ARMC12: variants seen among roughly 807,000 people sequenced by gnomAD.
ARMC12 encodes the protein armadillo repeat containing 12.
A neutral mutation model predicts 37.4 loss-of-function variants in ARMC12; 25 were observed. The ratio of observed to expected loss-of-function variants is 0.67; its 90% CI spans 0.49 to 0.93. ARMC12 has a LOEUF of 0.93. ARMC12 is among the 40% of genes least tolerant of loss of function. The pLI is 0.00. For missense variants in ARMC12, 384 were observed against 426.6 expected (o/e 0.90, Z 0.88); for synonymous variants, 167 against 176.1 (o/e 0.95, Z 0.41).
At chr6:35,737,303 G>A (rs1766997277) in intron 1 of ARMC12, 32 bp downstream of exon 1, 1 of 1,614,238 alleles carries the variant, frequency 6.2e-7, no homozygotes, top group African/African-American at 1.3e-5. Context: ...AGAGGGCTCT[G>A]CCCCAGGAGG....
intron 1 of ARMC12, 158 bp from the exon 2 acceptor site, chr6:35,737,869 A>G (rs1256646323): frequency 2.1e-6 from 2 of 930,702 alleles, no homozygotes; most frequent in Admixed American, 2.0e-5. Flanking sequence ...TGCAGTAAAC[A>G]TTCGTTCAAC....
chr6:35,746,279 G>T (rs943402319), intron 3 of ARMC12, among the ~76,000 whole-genome samples: 17 of 152,016 alleles, frequency 1.1e-4, no homozygotes, highest in African/African-American at 3.9e-4. Context: ...CTAAGCAGAG[G>T]GCACAGCCTA....
At chr6:35,743,293 C>T (rs1270212798) in intron 3 of ARMC12, among the ~76,000 whole-genome samples, 3 of 151,770 alleles carry the variant, frequency 2.0e-5, no homozygotes, top group Non-Finnish European at 2.9e-5. Flanking sequence ...CTCAGCTCAC[C>T]GCAACCTCCG....
upstream of ARMC12, chr6:35,733,831 A>G (rs967868540): frequency 6.6e-6 from 1 of 152,278 alleles, no homozygotes; most frequent in Admixed American, 6.5e-5. Context: ...CCTAGAACCC[A>G]TACTTACTTA....
upstream of ARMC12, among the ~76,000 whole-genome samples, chr6:35,732,185 T>A (rs1766850246): frequency 6.6e-6 from 1 of 152,106 alleles, no homozygotes; most frequent in Admixed American, 6.5e-5. Context: ...CGCCTTAGGC[T>A]GAGCTACCCG....
At chr6:35,739,579 A>AT (rs1172664972) in intron 3 of ARMC12, among the ~76,000 whole-genome samples, 11 of 152,210 alleles carry the variant, frequency 7.2e-5, no homozygotes, top group African/African-American at 2.7e-4. Context: ...GTTTAATCCT[A>AT]AATGGGTCCC....
chr6:35,741,782 A>G (rs987273150), intron 3 of ARMC12, among the ~76,000 whole-genome samples: 2 of 152,204 alleles, frequency 1.3e-5, no homozygotes, highest in African/African-American at 4.8e-5. Context: ...TGTATCCTCA[A>G]AATATGCACA....
chr6:35,748,632 G>A lies in ARMC12; in HGVS notation c.785G>A (p.Arg262Gln), dbSNP rs780272544. Reference sequence around the variant, plus strand: ...TTTGCTGAGCGGCTGAGTGAGGGCCGGAACGCACCCCACTACCACGTGGTG... The same window carrying A: ...TTTGCTGAGCGGCTGAGTGAGGGCCAGAACGCACCCCACTACCACGTGGTG... ...LVFAERLSEG[R>Q]NAPHYHVVKW... is the part of the protein sequence containing the mutation. The change falls in exon 6 of 6, where the codon CGG (arginine) becomes CAG (glutamine). Residue 262 changes from arginine (R) to glutamine (Q), a missense_variant. Physicochemically the swap from Arg to Gln is conservative, Grantham distance 43. Coordinates refer to ENST00000373866, the MANE Select transcript of ARMC12 (RefSeq NM_001286574.2). 42 of 1,611,866 alleles carry A rather than the reference G, an allele frequency of 2.6e-5. No individual in the cohort carries two copies. Among genetic ancestry groups the A allele is most frequent in the Non-Finnish European group, 3.1e-5 (36 of 1,178,714 alleles).
chr6:35,747,334 T>G lies in ARMC12; in HGVS notation c.518T>G (p.Leu173Arg). Residue 173 changes from leucine to arginine, a missense_variant, in exon 4 of 6, where the codon CTC becomes CGC. Transcript: ENST00000373866. Reference protein sequence around the residue: ...DTELHIAGLRLLNNLPLPDYV... With the variant: ...DTELHIAGLRRLNNLPLPDYV... The stretch of plus-strand genomic sequence containing the variant: ...GAACTGCACATTGCGGGCCTCAGAC[T>G]CCTCAACAACCTTCCACTGCCCGAC... The G allele has an allele frequency of 6.2e-7, 1 of 1,614,030 alleles. No individual in the cohort carries two copies. Among genetic ancestry groups the G allele is most frequent in the Non-Finnish European group, 8.5e-7 (1 of 1,180,030 alleles).
chr6:35,738,501 T>C lies in ARMC12; in HGVS notation c.427T>C (p.Phe143Leu). Reference sequence around the variant, plus strand: ...TAAAGCTTTCTCTGGCATCAGAAAATTCAGGCTCAAAATCCAGGTGAGCCC... The same window carrying C: ...TAAAGCTTTCTCTGGCATCAGAAAACTCAGGCTCAAAATCCAGGTGAGCCC... ...TLKAFSGIRKFRLKIQEHSIK... is the reference protein window; with the variant it reads ...TLKAFSGIRKLRLKIQEHSIK... Residue 143 changes from phenylalanine (F) to leucine (L), a missense_variant, in exon 3 of 6, where the codon TTC becomes CTC. Coordinates refer to ENST00000373866, the MANE Select transcript of ARMC12 (RefSeq NM_001286574.2). 1 of 1,613,916 alleles carries C rather than the reference T, an allele frequency of 6.2e-7. No homozygotes were observed. Among genetic ancestry groups the C allele is most frequent in the Non-Finnish European group, 8.5e-7 (1 of 1,179,986 alleles).
At position 35,748,948 on chromosome 6, in the gene ARMC12, C is replaced by T; in HGVS notation, c.*78C>T. Reference sequence around the variant, plus strand: ...AGCTCGAATGTCTGTTGGTGGCCTTCCAGGGCTGGGTGGAGATTTCATTCA... The same window carrying T: ...AGCTCGAATGTCTGTTGGTGGCCTTTCAGGGCTGGGTGGAGATTTCATTCA... On this transcript the variant is annotated 3_prime_UTR_variant, in exon 6 of 6. Transcript: ENST00000373866. 7.1e-7 allele frequency: 1 copy of T among 1,416,290 alleles called. No individual in the cohort carries two copies. Among genetic ancestry groups the T allele is most frequent in the Non-Finnish European group, 9.5e-7 (1 of 1,051,592 alleles). 87.7% of individuals were successfully genotyped at this position (1,416,290 alleles called of 1,614,324 possible).
intron 3 of ARMC12, among the ~76,000 whole-genome samples, chr6:35,744,765 C>T (rs1041665466): frequency 6.6e-6 from 1 of 152,092 alleles, no homozygotes; most frequent in Non-Finnish European, 1.5e-5. Flanking sequence ...AAAACAAAAA[C>T]AACCCTGATG....
intron 3 of ARMC12, among the ~76,000 whole-genome samples, chr6:35,738,943 C>T (rs1767081939): frequency 6.6e-6 from 1 of 152,218 alleles, no homozygotes; most frequent in Admixed American, 6.5e-5. Context: ...TGACTTCTGA[C>T]TGGCCCGCTA....
intron 3 of ARMC12, among the ~76,000 whole-genome samples, chr6:35,743,399 G>A (rs1767237216): frequency 6.6e-6 from 1 of 152,068 alleles, no homozygotes; most frequent in South Asian, 2.1e-4. Flanking sequence ...TGTTTTTGTA[G>A]TGGAGATGGG....
At chr6:35,743,046 C>A (rs1231041881) in intron 3 of ARMC12, among the ~76,000 whole-genome samples, 2 of 152,208 alleles carry the variant, frequency 1.3e-5, no homozygotes, top group Non-Finnish European at 2.9e-5. Flanking sequence ...TGACTCCAAC[C>A]TGTCCTGCGG....
chr6:35,747,074 A>AAAAAAAAAAAAAC (rs1767360902), intron 3 of ARMC12, among the ~76,000 whole-genome samples, 187 bp from the exon 4 acceptor site: 1 of 151,322 alleles, frequency 6.6e-6, no homozygotes, highest in Admixed American at 6.6e-5. Context: ...AAAAAAAAAA[A>AAAAAAAAAAAAAC]AGCCAAATAA....
At chr6:35,731,713 G>A in the ARMC12 span, among the ~76,000 whole-genome samples, 2 of 152,144 alleles carry the variant, frequency 1.3e-5, no homozygotes, top group South Asian at 2.1e-4. Flanking sequence ...CCTCACCCGG[G>A]TGAACTAGCG....
chr6:35,735,263 G>A (rs1193072529), upstream of ARMC12: 1 of 152,446 alleles, frequency 6.6e-6, no homozygotes, highest in Non-Finnish European at 1.5e-5. The surrounding 1 kb of genome is among the most constrained non-coding windows in gnomAD (Gnocchi z 4.0). Flanking sequence ...TCTGCTCGGA[G>A]TTCAGTGGAG....
In ARMC12 at chr6:35,738,067, T is replaced by C. The variant is rs1475310382; in HGVS notation, c.204T>C (p.Gly68=). The change falls in exon 2 of 6, where the codon GGT becomes GGC. Residue 68 remains glycine (G), a synonymous_variant. Coordinates refer to ENST00000373866, the MANE Select transcript of ARMC12 (RefSeq NM_001286574.2). ...VERERHGRDS[G]ELRRLLNSLE... is the part of the protein sequence containing the mutation. Reference sequence around the variant, plus strand: ...GAGAGCGGCACGGGCGGGACTCAGGTGAGCTCCGGAGGCTCCTCAACTCTT... The same window carrying C: ...GAGAGCGGCACGGGCGGGACTCAGGCGAGCTCCGGAGGCTCCTCAACTCTT... 3.7e-6 allele frequency: 6 copies of C among 1,613,920 alleles called. No homozygotes were observed. The Admixed American group carries it at 5.0e-5, about 13-fold the overall frequency.
Sources: gnomAD v4.1 joint callset for allele counts (sites outside exome capture counted in the v4.1 genomes callset) on GRCh38, gnomAD v4.1.1 for gene constraint, Gnocchi (gnomAD v3.1) non-coding constraint, MANE v1.5 for transcripts, NCBI Gene and HGNC (gene_info 2026-07-23, HGNC 2026-07-21) for gene names.